Variants in RGS3 observed in about 807,000 individuals in gnomAD.
RGS3 encodes regulator of G-protein signalling 3.
RGS3 carries 80 observed loss-of-function variants against 132.6 expected under a neutral mutation model. The observed-to-expected ratio is 0.60, with a 90% CI of 0.50 to 0.73. The LOEUF is 0.73. Ranked by LOEUF, RGS3 falls within the 30% of genes least tolerant of loss-of-function variation. RGS3 has a pLI of 0.00. For missense variants in RGS3, 1,382 were observed against 1,530.8 expected, an observed-to-expected ratio of 0.90 and a Z score of 1.62; for synonymous variants, 598 against 620.6, an observed-to-expected ratio of 0.96 and a Z score of 0.54.
At chr9:113,596,422 G>T (rs1835781410) in intron 24 of RGS3, among the ~76,000 whole-genome samples, 1 of 152,210 alleles carries the variant, frequency 6.6e-6, no homozygotes, top group Admixed American at 6.5e-5. Flanking sequence ...ACGCTTTGAG[G>T]AATGTACTAT....
chr9:113,457,534 C>CTTTA (rs1829390422), upstream of RGS3, among the ~76,000 whole-genome samples: 1 of 152,178 alleles, frequency 6.6e-6, no homozygotes, highest in Non-Finnish European at 1.5e-5. Context: ...TTGAATTGAA[C>CTTTA]TTTAATGTGT....
At chr9:113,474,231 G>T (rs1445881775) in intron 3 of RGS3, among the ~76,000 whole-genome samples, 2 of 152,124 alleles carry the variant, frequency 1.3e-5, no homozygotes, top group Non-Finnish European at 1.5e-5. Flanking sequence ...GAGAGGCCAG[G>T]GGATTGAACT....
At chr9:113,541,820 A>G (rs1420110674) in intron 19 of RGS3, 1 of 993,252 alleles carries the variant, frequency 1.0e-6, no homozygotes, top group Admixed American at 6.1e-5. Flanking sequence ...CTGCCAGAGG[A>G]CATCTCCGCC....
rs1829739416 is a variant in RGS3, at chr9:113,469,043, T to C, written c.415+6842T>C. On this transcript the variant is annotated intron_variant, in intron 3 of 24. Coordinates refer to ENST00000350696, the Ensembl canonical transcript of RGS3. ...AGGAGTGTCATTGATTTGCTCAGCA[T>C]TTTTTTTTTTTTTTTTTTTTTGCCT... is the stretch of plus-strand genomic sequence containing the variant. 4.9e-5 allele frequency among the ~76,000 whole-genome samples: 6 copies of C among 122,590 alleles called. No individual in the cohort carries two copies. In the South Asian group the frequency reaches 7.4e-4, roughly 15 times the overall value. 80.4% of individuals were successfully genotyped at this position (122,590 alleles called of 152,430 possible).
rs117772472 is a variant in RGS3, at chr9:113,587,828, A to G, written c.3015+3401A>G. Among the ~76,000 whole-genome samples the G allele has an allele frequency of 2.3e-3, 349 of 152,136 alleles. 2 individuals carry two copies. The highest frequency in any genetic ancestry group is 6.8e-3 in the Middle Eastern group (2 of 294). On this transcript the variant is annotated intron_variant, in intron 20 of 24. Coordinates refer to ENST00000350696, the Ensembl canonical transcript of RGS3. Reference sequence around the variant, plus strand: ...GAGCCCCCTGCCCCCACTCCCCGCCATGGTTCTCCAGCTGGCCATCCCCTG... The same window carrying G: ...GAGCCCCCTGCCCCCACTCCCCGCCGTGGTTCTCCAGCTGGCCATCCCCTG...
chr9:113,593,033 G>A (rs1455977478), intron 21 of RGS3: 1 of 152,214 alleles, frequency 6.6e-6, no homozygotes, highest in Non-Finnish European at 1.5e-5. Flanking sequence ...AAGTGGTGGG[G>A]TTGGGACCTG....
At position 113,565,448 on chromosome 9, in the gene RGS3, A is replaced by G; in HGVS notation, c.2038-18002A>G. 1.7e-6 allele frequency: 2 copies of G among 1,198,156 alleles called. No homozygotes were observed. The highest frequency in any genetic ancestry group is 2.2e-6 in the Non-Finnish European group (2 of 907,842). The allele number at this position is 1,198,156 out of a possible 1,614,324, so 74.2% of individuals were successfully genotyped here. On this transcript the variant is annotated intron_variant, in intron 19 of 24. Transcript: ENST00000350696. This position sits in a 1 kb window ranked among gnomAD's most constrained non-coding sequence, Gnocchi z 5.7. ...GAAGAGGAGGAGGGACGGGTGATGC[A>G]AGGGTTTTGAAAGCGCTACCTAGAT...
intron 1 of RGS3, among the ~76,000 whole-genome samples, chr9:113,445,119 GT>G (rs970970371): frequency 2.6e-5 from 4 of 151,814 alleles, no homozygotes; most frequent in African/African-American, 4.8e-5. Flanking sequence ...AGTTTCTTTT[GT>G]TCTTTGCTAC....
chr9:113,574,982 G>A (rs1024964495), intron 19 of RGS3, among the ~76,000 whole-genome samples: 2 of 152,212 alleles, frequency 1.3e-5, no homozygotes, highest in Admixed American at 6.5e-5. Context: ...GGTGTTTGGG[G>A]TGGTGGGTGG....
chr9:113,492,418 G>A lies in RGS3; in HGVS notation c.690-3368G>A, dbSNP rs551142041. On this transcript the variant is annotated intron_variant, in intron 7 of 24. Coordinates refer to ENST00000350696, the Ensembl canonical transcript of RGS3. ...TGCCTGCACTGTTCATCTGTCAATC[G>A]CACCCTGTCTTGTGACATCCCCTGT... 6.6e-5 allele frequency among the ~76,000 whole-genome samples: 10 copies of A among 152,244 alleles called. 1 individual carries two copies. The highest frequency in any genetic ancestry group is 2.4e-4 in the African/African-American group (10 of 41,530).
At chr9:113,515,181 G>C (rs2119370373) in intron 15 of RGS3, among the ~76,000 whole-genome samples, 1 of 152,288 alleles carries the variant, frequency 6.6e-6, no homozygotes, top group Non-Finnish European at 1.5e-5. Context: ...CAAACAGCAA[G>C]CTGGGCCTGA....
intron 17 of RGS3, among the ~76,000 whole-genome samples, chr9:113,528,336 A>C (rs557772738): frequency 6.6e-6 from 1 of 152,316 alleles, no homozygotes; most frequent in East Asian, 1.9e-4. Flanking sequence ...GAGTGGCTGC[A>C]GTGGGCAGGG....
exon 20 of RGS3, chr9:113,584,139 G>T: frequency 6.2e-7 from 1 of 1,614,282 alleles, no homozygotes; most frequent in Non-Finnish European, 8.5e-7. Flanking sequence ...ACTACGGAGA[G>T]CGCAGTGAGG....
chr9:113,572,834 G>C (rs1318822452), intron 19 of RGS3, among the ~76,000 whole-genome samples: 2 of 152,260 alleles, frequency 1.3e-5, no homozygotes, highest in East Asian at 3.8e-4. Context: ...GGCAGGCTGA[G>C]CACAGACTCA....
chr9:113,538,882 C>T (rs1832790540), intron 19 of RGS3, among the ~76,000 whole-genome samples: 1 of 152,204 alleles, frequency 6.6e-6, no homozygotes, highest in Non-Finnish European at 1.5e-5. Context: ...CTGGCATACC[C>T]CACTTGGGCC....
At chr9:113,524,882 TG>T (rs1832131862) in intron 17 of RGS3, among the ~76,000 whole-genome samples, 1 of 151,956 alleles carries the variant, frequency 6.6e-6, no homozygotes, top group East Asian at 1.9e-4. Context: ...AAGCTAGGGG[TG>T]GGGTGTGCTC....
At chr9:113,490,190 G>A (rs1185038188) in intron 7 of RGS3, among the ~76,000 whole-genome samples, 1 of 152,106 alleles carries the variant, frequency 6.6e-6, no homozygotes, top group Non-Finnish European at 1.5e-5. Flanking sequence ...TCAAGTTTCT[G>A]GGAGTTTTTT....
At chr9:113,572,148 G>A (rs906615388) in intron 19 of RGS3, among the ~76,000 whole-genome samples, 2 of 152,104 alleles carry the variant, frequency 1.3e-5, no homozygotes, top group Non-Finnish European at 2.9e-5. Flanking sequence ...GAAAAGAGGA[G>A]AAACGGTGTG....
intron 14 of RGS3, among the ~76,000 whole-genome samples, chr9:113,509,207 C>T (rs1831289386): frequency 6.6e-6 from 1 of 151,852 alleles, no homozygotes; most frequent in Non-Finnish European, 1.5e-5. Flanking sequence ...ATCACTTGAA[C>T]CTGGGAGGCA....
Sources: gnomAD v4.1 joint callset for allele counts (sites outside exome capture counted in the v4.1 genomes callset) on GRCh38, gnomAD v4.1.1 for gene constraint, Gnocchi (gnomAD v3.1) non-coding constraint, MANE v1.5 for transcripts, NCBI Gene and HGNC (gene_info 2026-07-23, HGNC 2026-07-21) for gene names.